The following TTC29 variants were observed in gnomAD, a reference collection of about 807,000 sequenced individuals.
TTC29 encodes tetratricopeptide repeat domain 29, also known as tetratricopeptide repeat protein 29.
In TTC29, 49 loss-of-function variants were observed where a neutral mutation model predicts 58.1. The ratio of observed to expected loss-of-function variants is 0.84; its 90% CI spans 0.67 to 1.07. The LOEUF (loss-of-function observed/expected upper bound fraction) is 1.07, where lower values mean the gene tolerates loss of function less well. TTC29 is among the 50% of genes least tolerant of loss of function. TTC29 has a pLI of 0.00. For synonymous variants in TTC29, 209 were observed against 196.8 expected, an observed-to-expected ratio of 1.06 and a Z score of -0.52; for missense variants, 582 against 555.6, an observed-to-expected ratio of 1.05 and a Z score of -0.48.
At chr4:146,714,869 T>C (rs1234727400) in intron 11 of TTC29, among the ~76,000 whole-genome samples, 2 of 152,194 alleles carry the variant, frequency 1.3e-5, no homozygotes, top group African/African-American at 4.8e-5. Context: ...GATGTAATTG[T>C]AAACTTCTTC....
At chr4:146,942,660 G>C (rs1394793443) in intron 2 of TTC29, 11 of 1,527,726 alleles carry the variant, frequency 7.2e-6, no homozygotes, top group Non-Finnish European at 9.6e-6. Context: ...AATCATCTAA[G>C]TTCTTAACCC....
intron 8 of TTC29, among the ~76,000 whole-genome samples, chr4:146,860,223 A>G (rs1561196374): frequency 1.3e-5 from 2 of 152,166 alleles, no homozygotes; most frequent in Non-Finnish European, 2.9e-5. Context: ...CTCTCCCCCC[A>G]AAACTTTCTG....
At chr4:146,930,941 C>T (rs1367444797) in intron 4 of TTC29, among the ~76,000 whole-genome samples, 8 of 152,276 alleles carry the variant, frequency 5.3e-5, no homozygotes, top group Non-Finnish European at 1.2e-4. Flanking sequence ...CTGTGGTTTA[C>T]GGGCTATTGT....
intron 6 of TTC29, among the ~76,000 whole-genome samples, chr4:146,892,581 T>C (rs916195019): frequency 6.6e-6 from 1 of 152,194 alleles, no homozygotes; most frequent in Non-Finnish European, 1.5e-5. Context: ...AGTATCATAC[T>C]GAATGGGCAA....
chr4:146,874,968 C>T lies in TTC29; in HGVS notation c.587-40G>A, dbSNP rs182060319. The T allele has an allele frequency of 5.9e-5, 92 of 1,548,076 alleles. 1 individual carries two copies. Among genetic ancestry groups the T allele is most frequent in the East Asian group, 5.0e-4 (22 of 44,010 alleles). On this transcript the variant is annotated intron_variant, in intron 6 of 12. Coordinates refer to ENST00000325106, the MANE Select transcript of TTC29 (RefSeq NM_031956.4). ...CCATTCATAAGTATAAACCAGAGGA[C>T]GGAACGTATTTTCAGAAATTTTGCA...
chr4:146,931,905 A>T (rs1237344528), intron 4 of TTC29, among the ~76,000 whole-genome samples: 1 of 152,058 alleles, frequency 6.6e-6, no homozygotes, highest in Non-Finnish European at 1.5e-5. Context: ...TTTTGTTTTT[A>T]AAAAAGCTCC....
intron 4 of TTC29, among the ~76,000 whole-genome samples, chr4:146,928,903 C>T (rs746580180): frequency 2.0e-5 from 3 of 152,038 alleles, no homozygotes; most frequent in Non-Finnish European, 4.4e-5. Flanking sequence ...TCCTAGCATA[C>T]TTAGAAGAAA....
rs201641525 is a variant in TTC29, at chr4:146,707,510, A to C, written c.1372T>G (p.Ser458Ala). ...CTACTGAGTTCTTCCAAACGTTCTG[A>C]GTTTTGAGATACAGCTTCCACTGTG... ...GSTVEAVSQN[S>A]ERLEELSRFP... The change falls in exon 12 of 13, where the codon TCA becomes GCA. Residue 458 changes from serine (S) to alanine (A), a missense_variant. Ser to Ala is a moderately conservative substitution (Grantham distance 99). Transcript: ENST00000325106. 30 of 1,610,328 alleles carry C rather than the reference A, an allele frequency of 1.9e-5. No homozygotes were observed. The highest frequency in any genetic ancestry group is 2.5e-5 in the Non-Finnish European group (30 of 1,178,748).
intron 9 of TTC29, among the ~76,000 whole-genome samples, chr4:146,831,404 T>C (rs1253935351): frequency 6.6e-6 from 1 of 152,168 alleles, no homozygotes; most frequent in Admixed American, 6.5e-5. Context: ...TGGCCAGGAA[T>C]TCCTATAAAA....
At chr4:146,747,855 G>A (rs951321563) in intron 11 of TTC29, among the ~76,000 whole-genome samples, 9 of 152,178 alleles carry the variant, frequency 5.9e-5, no homozygotes, top group Non-Finnish European at 1.2e-4. Flanking sequence ...CAGGCCAAAT[G>A]GCCCCAGCAC....
intron 11 of TTC29, among the ~76,000 whole-genome samples, chr4:146,760,466 C>A (rs1286023452): frequency 6.6e-6 from 1 of 151,770 alleles, no homozygotes; most frequent in African/African-American, 2.4e-5. Flanking sequence ...CAAAAAAGAG[C>A]CCACATAGCC....
intron 4 of TTC29, among the ~76,000 whole-genome samples, chr4:146,919,523 C>T (rs1049348768): frequency 6.6e-6 from 1 of 150,888 alleles, no homozygotes; most frequent in African/African-American, 2.4e-5. Flanking sequence ...TATCATCATA[C>T]TCACTCATCA....
Position 146,718,711 on chromosome 4 carries a change from A to G in TTC29, c.1331-11160T>C, listed in dbSNP as rs184779546. Among the ~76,000 whole-genome samples, 670 of 152,008 alleles carry G rather than the reference A, an allele frequency of 4.4e-3. 7 individuals are homozygous for G. The Middle Eastern group carries it at 0.044, about 10-fold the overall frequency. ...TTTTGTGCAGAAACTTTTAATTTTG[A>G]TGTAATCCCATTTGTCTGTTTTTGC... On this transcript the variant is annotated intron_variant, in intron 11 of 12. Transcript: ENST00000325106.
At chr4:146,710,292 G>A (rs1198584911) in intron 11 of TTC29, among the ~76,000 whole-genome samples, 1 of 152,050 alleles carries the variant, frequency 6.6e-6, no homozygotes, top group Non-Finnish European at 1.5e-5. Context: ...AGTGAATATT[G>A]TAGGCATCTG....
rs1368948020 is a variant in TTC29, at chr4:146,903,641, A to G, written c.489T>C (p.Tyr163=). The change falls in exon 6 of 13, where the codon TAT becomes TAC. Residue 163 remains tyrosine (Y), a synonymous_variant. Coordinates refer to ENST00000325106, the MANE Select transcript of TTC29 (RefSeq NM_031956.4). Reference sequence around the variant, plus strand: ...GCTGAGCAATCTTAAAACATCGTTCATAGAAGTGGTTCCTTACCCACTTGT... The same window carrying G: ...GCTGAGCAATCTTAAAACATCGTTCGTAGAAGTGGTTCCTTACCCACTTGT... ...SEDKWVRNHF[Y]ERCFKIAQLI... is the part of the protein sequence containing the mutation. The G allele has an allele frequency of 6.2e-7, 1 of 1,613,050 alleles. No individual in the cohort carries two copies. Among genetic ancestry groups the G allele is most frequent in the Non-Finnish European group, 8.5e-7 (1 of 1,179,522 alleles).
chr4:146,801,130 T>G (rs568016838), intron 11 of TTC29, among the ~76,000 whole-genome samples: 1 of 152,144 alleles, frequency 6.6e-6, no homozygotes, highest in East Asian at 1.9e-4. Context: ...CAGAAAAGAT[T>G]GAGAAGCTTG....
intron 9 of TTC29, among the ~76,000 whole-genome samples, chr4:146,828,076 C>A (rs1421077567): frequency 6.6e-6 from 1 of 151,066 alleles, no homozygotes; most frequent in East Asian, 1.9e-4. Context: ...TATGTTACTG[C>A]AGCTGTGAAT....
At chr4:146,710,224 C>T (rs1742379376) in intron 11 of TTC29, among the ~76,000 whole-genome samples, 1 of 152,076 alleles carries the variant, frequency 6.6e-6, no homozygotes, top group Non-Finnish European at 1.5e-5. Flanking sequence ...CATAGCTAGG[C>T]TATTATATAC....
In TTC29 at chr4:146,916,849, T is replaced by C. The variant is rs569804934; in HGVS notation, c.177-7600A>G. On this transcript the variant is annotated intron_variant, in intron 4 of 12. Coordinates refer to ENST00000325106, the MANE Select transcript of TTC29 (RefSeq NM_031956.4). ...TAACAGCAAAACATGTAGCTGTCTA[T>C]GAGATCAGTTAACAAATATTCAACT... is the stretch of plus-strand genomic sequence containing the variant. 4.6e-5 allele frequency among the ~76,000 whole-genome samples: 7 copies of C among 151,598 alleles called. No homozygotes were observed. The East Asian group carries it at 1.4e-3, about 29-fold the overall frequency.
Sources: allele counts gnomAD v4.1 joint callset (sites outside exome capture counted in the v4.1 genomes callset), GRCh38; gene constraint gnomAD v4.1.1; transcripts MANE v1.5; gene names NCBI Gene and HGNC (gene_info 2026-07-23, HGNC 2026-07-21).